PRKN: variants seen among roughly 807,000 people sequenced by gnomAD.
PRKN encodes the protein parkin RBR E3 ubiquitin protein ligase, also known as E3 ubiquitin-protein ligase parkin.
A neutral mutation model predicts 59.5 loss-of-function variants in PRKN; 56 were observed. The ratio of observed to expected loss-of-function variants is 0.94; its 90% confidence interval spans 0.76 to 1.18. PRKN has a LOEUF of 1.18. PRKN is among the 50% of genes most tolerant of loss of function. PRKN has a pLI of 0.00. For synonymous variants in PRKN, 250 were observed against 222.1 expected (o/e 1.13, Z -1.12); for missense variants, 657 against 596.4 (o/e 1.10, Z -1.06).
At chr6:161,528,317 C>A (rs908844838) in intron 9 of PRKN, among the ~76,000 whole-genome samples, 1 of 152,158 alleles carries the variant, frequency 6.6e-6, no homozygotes, top group Admixed American at 6.5e-5. Flanking sequence ...AGTGGGTGCA[C>A]AGCTGTGGGA....
At chr6:162,143,869 A>G (rs1562538569) in intron 4 of PRKN, among the ~76,000 whole-genome samples, 1 of 152,202 alleles carries the variant, frequency 6.6e-6, no homozygotes, top group East Asian at 1.9e-4. Flanking sequence ...CAGAGAACTC[A>G]TGGGGAAAAA....
rs565409146 is a variant in PRKN at position 161,901,217 on chromosome 6, T to A, written c.734+72085A>T. On this transcript the variant is annotated intron_variant, in intron 6 of 11. Transcript: ENST00000366898. ...TCCCAAAGTGCTGGGATTACAGGTG[T>A]GAGCCACCGCGTCCAGCCAATAATC... is the stretch of plus-strand genomic sequence containing the variant. Among the ~76,000 whole-genome samples the A allele has an allele frequency of 3.9e-5, 6 of 152,208 alleles. No individual in the cohort carries two copies. In the South Asian group the frequency reaches 1.2e-3, roughly 32 times the overall value.
intron 1 of PRKN, among the ~76,000 whole-genome samples, chr6:162,474,320 T>C (rs1387615987): frequency 6.6e-6 from 1 of 152,220 alleles, no homozygotes; most frequent in Non-Finnish European, 1.5e-5. Flanking sequence ...AAGAGTAATC[T>C]ACATGTATTT....
intron 5 of PRKN, among the ~76,000 whole-genome samples, chr6:162,003,207 C>CAA (rs60792069): frequency 4.0e-5 from 5 of 124,988 alleles, no homozygotes; most frequent in African/African-American, 6.0e-5. Flanking sequence ...AGGTTGTTGA[C>CAA]AAAAAAAAAA....
At chr6:161,424,201 A>G (rs918822209) in intron 9 of PRKN, among the ~76,000 whole-genome samples, 3 of 151,968 alleles carry the variant, frequency 2.0e-5, no homozygotes, top group Non-Finnish European at 2.9e-5. Context: ...GCTAGGCATG[A>G]TGGTGGGTGC....
At chr6:162,103,885 T>C (rs1780080606) in intron 4 of PRKN, among the ~76,000 whole-genome samples, 1 of 152,204 alleles carries the variant, frequency 6.6e-6, no homozygotes, top group South Asian at 2.1e-4. Context: ...CTGGGCACTG[T>C]TCTCGAAAGA....
chr6:162,492,410 C>T (rs954417294), intron 1 of PRKN, among the ~76,000 whole-genome samples: 1 of 152,194 alleles, frequency 6.6e-6, no homozygotes, highest in East Asian at 1.9e-4. Context: ...CTGAGAGCCA[C>T]CTCTCTTGTC....
intron 9 of PRKN, among the ~76,000 whole-genome samples, chr6:161,477,137 GA>G (rs1356003365): frequency 6.6e-6 from 1 of 152,202 alleles, no homozygotes; most frequent in Non-Finnish European, 1.5e-5. Context: ...CCAGCATTTT[GA>G]AAAGATATTT....
intron 7 of PRKN, among the ~76,000 whole-genome samples, chr6:161,612,292 G>A (rs1245690168): frequency 6.6e-6 from 1 of 152,246 alleles, no homozygotes; most frequent in East Asian, 1.9e-4. Context: ...GGAAGAAGAT[G>A]TCATGGAGAA....
At position 161,442,386 on chromosome 6, in the gene PRKN, C is replaced by T. The variant is rs1369684854; in HGVS notation, c.1084-55509G>A. Among the ~76,000 whole-genome samples, 1 of 152,182 alleles carries T rather than the reference C, an allele frequency of 6.6e-6. No homozygotes were observed. The highest frequency in any genetic ancestry group is 1.5e-5 in the Non-Finnish European group (1 of 68,020). On this transcript the variant is annotated intron_variant, in intron 9 of 11. Coordinates refer to ENST00000366898, the MANE Select transcript of PRKN (RefSeq NM_004562.3). This position sits in a 1 kb window ranked among gnomAD's most constrained non-coding sequence, Gnocchi z 4.6. Reference sequence around the variant, plus strand: ...TTAATCTTGAAGGCTAGATTTAAGACACTATTCTTACTGTCCACAAACAGG... The same window carrying T: ...TTAATCTTGAAGGCTAGATTTAAGATACTATTCTTACTGTCCACAAACAGG...
chr6:162,425,432 A>G lies in PRKN; in HGVS notation c.171+17878T>C, dbSNP rs574057021. Among the ~76,000 whole-genome samples, 4 of 152,310 alleles carry G rather than the reference A, an allele frequency of 2.6e-5. No individual in the cohort carries two copies. In the East Asian group the frequency reaches 7.7e-4, roughly 29 times the overall value. On this transcript the variant is annotated intron_variant, in intron 2 of 11. Transcript: ENST00000366898. ...GATTAGTTACCTAAGAACCACAGAC[A>G]CAGAATTTTGTACAGATATCATTAA... is the stretch of plus-strand genomic sequence containing the variant.
chr6:161,574,894 G>A (rs1781071247), intron 7 of PRKN, among the ~76,000 whole-genome samples: 1 of 152,138 alleles, frequency 6.6e-6, no homozygotes, highest in Non-Finnish European at 1.5e-5. Flanking sequence ...CACTGTGTTA[G>A]CTTTCTTGAC....
chr6:161,348,198 G>A lies in PRKN; in HGVS notation c.*1901C>T. The A allele has an allele frequency of 9.8e-6, 2 of 204,930 alleles. No individual in the cohort carries two copies. Among genetic ancestry groups the A allele is most frequent in the Non-Finnish European group, 2.0e-5 (2 of 100,162 alleles). The allele number at this position is 204,930 out of a possible 1,614,324, so 12.7% of individuals were successfully genotyped here. On this transcript the variant is annotated 3_prime_UTR_variant, in exon 12 of 12. Transcript: ENST00000366898. This position sits in a 1 kb window ranked among gnomAD's most constrained non-coding sequence, Gnocchi z 4.9. ...GGAGCCACCTGATTTGTCGCATCGG[G>A]CCAGTGTAAGGAAGTGTAATTTAGT...
intron 1 of PRKN, among the ~76,000 whole-genome samples, chr6:162,554,478 GGCA>G (rs1355517932): frequency 3.9e-5 from 6 of 152,036 alleles, no homozygotes; most frequent in Non-Finnish European, 7.4e-5. Context: ...TTCCAGCCTG[GGCA>G]GCAAGAGCAA....
intron 1 of PRKN, among the ~76,000 whole-genome samples, chr6:162,690,761 T>C (rs1026017106): frequency 6.6e-6 from 1 of 152,178 alleles, no homozygotes; most frequent in Admixed American, 6.5e-5. Flanking sequence ...TCCTTTAAGA[T>C]ACTAACTAGG....
chr6:162,386,715 C>T (rs1408205978), intron 2 of PRKN, among the ~76,000 whole-genome samples: 1 of 151,962 alleles, frequency 6.6e-6, no homozygotes, highest in Non-Finnish European at 1.5e-5. Context: ...CATGTGTGTG[C>T]GCAGGTATAA....
At chr6:162,672,347 T>C (rs2128230502) in intron 1 of PRKN, among the ~76,000 whole-genome samples, 1 of 152,248 alleles carries the variant, frequency 6.6e-6, no homozygotes, top group East Asian at 1.9e-4. Flanking sequence ...ATTAATATCA[T>C]TAAGCTAAGG....
At chr6:161,716,221 A>G (rs1352724142) in intron 7 of PRKN, 2 of 610,440 alleles carry the variant, frequency 3.3e-6, no homozygotes, top group Non-Finnish European at 5.4e-6. Context: ...TTGCTGTTGG[A>G]GTAATATTCT....
At chr6:162,328,912 C>T (rs1187982639) in intron 2 of PRKN, among the ~76,000 whole-genome samples, 1 of 152,136 alleles carries the variant, frequency 6.6e-6, no homozygotes, top group Non-Finnish European at 1.5e-5. Flanking sequence ...TTCTCTTCTT[C>T]TCTAGTTCAT....
Sources: gnomAD v4.1 joint callset for allele counts (sites outside exome capture counted in the v4.1 genomes callset) on GRCh38, gnomAD v4.1.1 for gene constraint, Gnocchi (gnomAD v3.1) non-coding constraint, MANE v1.5 for transcripts, NCBI Gene and HGNC (gene_info 2026-07-23, HGNC 2026-07-21) for gene names.